Variants in AKAP14 observed in about 807,000 individuals in gnomAD.
AKAP14 encodes the protein A-kinase anchoring protein 14, also known as A-kinase anchor protein 14.
In AKAP14, 4 loss-of-function variants were observed where a neutral mutation model predicts 17.0. The observed-to-expected ratio is 0.23, with a 90% CI of 0.12 to 0.54. The LOEUF (loss-of-function observed/expected upper bound fraction) is 0.54. Among genes scored for constraint, AKAP14 ranks in the 20% least tolerant of loss-of-function variants. AKAP14 has a pLI of 0.95. For synonymous variants in AKAP14, 42 were observed against 51.3 expected (o/e 0.82, Z 0.77); for missense variants, 129 against 150.9 (o/e 0.85, Z 0.76).
In AKAP14 at chrX:119,914,740, T is replaced by C; in HGVS notation, c.303T>C (p.Phe101=). 4.1e-6 allele frequency: 5 copies of C among 1,211,336 alleles called. No homozygotes were observed. Among genetic ancestry groups the C allele is most frequent in the Non-Finnish European group, 3.4e-6 (3 of 895,081 alleles). The change falls in exon 5 of 7, where the codon TTT becomes TTC. Residue 101 remains phenylalanine (F), a synonymous_variant. Transcript: ENST00000371431. ...AATGCTGGGCACATGGCGTAGAGTT[T>C]GTAGAGAGGAAAGACTTAATTCACA... ...SKKCWAHGVE[F]VERKDLIHSF...
rs2056555140 is a variant in AKAP14 at position 119,899,999 on chromosome X, G to A, written c.-10-3215G>A. ...GCTGGAGTGCAGCGACACAATCTCGGCTCACTGCAACCTCTGCCTCCCGGG... is the reference window on the plus strand; with the variant it reads ...GCTGGAGTGCAGCGACACAATCTCGACTCACTGCAACCTCTGCCTCCCGGG... On this transcript the variant is annotated intron_variant, in intron 2 of 6. Coordinates refer to ENST00000371431, the MANE Select transcript of AKAP14 (RefSeq NM_178813.6). Among the ~76,000 whole-genome samples, 11 of 111,305 alleles carry A rather than the reference G, an allele frequency of 9.9e-5. No individual in the cohort carries two copies. The Admixed American group carries it at 1.1e-3, about 11-fold the overall frequency.
At chrX:119,900,069 C>T (rs1416063876) in intron 2 of AKAP14, among the ~76,000 whole-genome samples, 1 of 110,308 alleles carries the variant, frequency 9.1e-6, no homozygotes, top group African/African-American at 3.3e-5. Context: ...GCTGGGATTA[C>T]AGGTGCTGGC....
At chrX:119,899,740 G>C (rs1354968417) in intron 2 of AKAP14, among the ~76,000 whole-genome samples, 2 of 111,752 alleles carry the variant, frequency 1.8e-5, no homozygotes, top group Non-Finnish European at 3.8e-5. Flanking sequence ...TGCAAGGACA[G>C]TGGATTTGGA....
At chrX:119,900,620 C>A (rs1444036885) in intron 2 of AKAP14, among the ~76,000 whole-genome samples, 1 of 111,727 alleles carries the variant, frequency 9.0e-6, no homozygotes, top group Non-Finnish European at 1.9e-5. Context: ...GCAGCCTCGA[C>A]CTCCCAGGCT....
chrX:119,903,536 G>C lies in AKAP14; in HGVS notation c.211G>C (p.Gly71Arg). 1 of 1,211,494 alleles carries C rather than the reference G, an allele frequency of 8.3e-7. No homozygotes were observed. The highest frequency in any genetic ancestry group is 1.8e-5 in the South Asian group (1 of 56,971). Residue 71 changes from glycine (G) to arginine (R), a missense_variant, in exon 4 of 7, where the codon GGT becomes CGT. Physicochemically the swap from Gly to Arg is moderately radical, Grantham distance 125. Transcript: ENST00000371431. ...GAAAAACATCAAGTGGATGACTCAC[G>C]GTGAATTCACTGTGGAAAAGGGTCT... ...PLKNIKWMTH[G>R]EFTVEKGLKQ...
intron 5 of AKAP14, among the ~76,000 whole-genome samples, chrX:119,918,843 C>G (rs772903228): frequency 8.9e-6 from 1 of 111,980 alleles, no homozygotes; most frequent in Non-Finnish European, 1.9e-5. Context: ...GCCTTCCCAT[C>G]CTTTCCCAAA....
At position 119,919,003 on chromosome X, in the gene AKAP14, G is replaced by A. The variant is rs35213432; in HGVS notation, c.442-908G>A. Among the ~76,000 whole-genome samples the A allele has an allele frequency of 6.4e-3, 705 of 110,690 alleles. 1 individual carries two copies. The highest frequency in any genetic ancestry group is 0.022 in the African/African-American group (667 of 30,105). Reference sequence around the variant, plus strand: ...AGTAATCTAAAGAGGTGCAATATGCGGAGATCTTACTTCTGGTCATATATC... The same window carrying A: ...AGTAATCTAAAGAGGTGCAATATGCAGAGATCTTACTTCTGGTCATATATC... On this transcript the variant is annotated intron_variant, in intron 5 of 6. Transcript: ENST00000371431.
At chrX:119,906,320 C>T (rs1452814662) in intron 4 of AKAP14, among the ~76,000 whole-genome samples, 4 of 103,393 alleles carry the variant, frequency 3.9e-5, no homozygotes, top group East Asian at 3.0e-4. Context: ...CTGCACCCTC[C>T]GCCTCCTAGG....
At chrX:119,900,723 G>A (rs1383424160) in intron 2 of AKAP14, among the ~76,000 whole-genome samples, 1 of 111,078 alleles carries the variant, frequency 9.0e-6, no homozygotes, top group Non-Finnish European at 1.9e-5. Context: ...CTTTTGTAGA[G>A]ATGGGGCCTT....
chrX:119,906,536 CTT>C (rs34286142), intron 4 of AKAP14, among the ~76,000 whole-genome samples: 26 of 88,921 alleles, frequency 2.9e-4, no homozygotes, highest in African/African-American at 4.1e-4. Context: ...CCCGGCCCTT[CTT>C]TTTTTTTTTT....
rs1459237079 is a variant in AKAP14 at position 119,920,538 on chromosome X, G to A, written c.525G>A (p.Trp175Ter). 2.5e-6 allele frequency: 3 copies of A among 1,207,961 alleles called. No homozygotes were observed. Among genetic ancestry groups the A allele is most frequent in the Non-Finnish European group, 3.4e-6 (3 of 893,905 alleles). The change falls in exon 7 of 7, where the codon TGG (tryptophan) becomes TGA (stop). Residue 175 changes from tryptophan to a stop codon, truncating the protein, a stop_gained. Coordinates refer to ENST00000371431, the MANE Select transcript of AKAP14 (RefSeq NM_178813.6). LOFTEE classifies it high-confidence loss of function. Reference sequence around the variant, plus strand: ...GAATGGTTCGCTTTCGAGAAAACTGGCAGAAGAATCTTACTGATGCCAAAT... The same window carrying A: ...GAATGGTTCGCTTTCGAGAAAACTGACAGAAGAATCTTACTGATGCCAAAT... The part of the protein sequence containing the change: ...RPGMVRFREN[W>*]QKNLTDAKYS...
intron 4 of AKAP14, among the ~76,000 whole-genome samples, chrX:119,905,173 C>G (rs994726051): frequency 1.8e-5 from 2 of 112,205 alleles, no homozygotes; most frequent in African/African-American, 6.5e-5. Flanking sequence ...TTCCCCAGGC[C>G]AGCACCTCAA....
intron 2 of AKAP14, among the ~76,000 whole-genome samples, chrX:119,901,692 C>T (rs1479250748): frequency 1.1e-5 from 1 of 90,485 alleles, no homozygotes; most frequent in East Asian, 3.5e-4. Context: ...GGCGACAGAA[C>T]GAAACTTTGT....
chrX:119,901,866 G>A (rs1020856262), intron 2 of AKAP14, among the ~76,000 whole-genome samples: 1 of 104,827 alleles, frequency 9.5e-6, no homozygotes, highest in Admixed American at 1.0e-4. Context: ...AAAATTAGCC[G>A]GGCGTGGTGG....
At chrX:119,906,828 G>A (rs1569469424) in intron 4 of AKAP14, among the ~76,000 whole-genome samples, 1 of 112,360 alleles carries the variant, frequency 8.9e-6, no homozygotes, top group Non-Finnish European at 1.9e-5. Context: ...ACAGGTGTGA[G>A]CCACTGCACC....
chrX:119,915,092 C>T (rs1428388753), intron 5 of AKAP14, among the ~76,000 whole-genome samples: 1 of 112,014 alleles, frequency 8.9e-6, no homozygotes, highest in Non-Finnish European at 1.9e-5. Flanking sequence ...CCTGATTTTC[C>T]TCCTGCCTCA....
At chrX:119,910,088 G>A (rs893920377) in intron 4 of AKAP14, among the ~76,000 whole-genome samples, 1 of 110,028 alleles carries the variant, frequency 9.1e-6, no homozygotes, top group Non-Finnish European at 1.9e-5. Context: ...ACTTAAGCCC[G>A]GGAAGGTTGA....
At chrX:119,912,834 T>C (rs755684426) in intron 4 of AKAP14, among the ~76,000 whole-genome samples, 1 of 111,738 alleles carries the variant, frequency 8.9e-6, no homozygotes, top group Non-Finnish European at 1.9e-5. Context: ...CATCCATGGA[T>C]GTAACCAACT....
chrX:119,914,934 T>C, intron 5 of AKAP14, 56 bp downstream of exon 5: 1 of 1,091,327 alleles, frequency 9.2e-7, no homozygotes. Flanking sequence ...GAGACTTCTC[T>C]TGTCAAGGTC....
Sources: allele counts gnomAD v4.1 joint callset (sites outside exome capture counted in the v4.1 genomes callset), GRCh38; gene constraint gnomAD v4.1.1; transcripts MANE v1.5; gene names NCBI Gene and HGNC (gene_info 2026-07-23, HGNC 2026-07-21).